Variants in SSPN observed in about 807,000 individuals in gnomAD.
The protein encoded by SSPN is sarcospan.
SSPN carries 15 observed loss-of-function variants against 19.1 expected under a neutral mutation model. That is an observed-to-expected ratio of 0.78 (90% CI 0.52 to 1.21). The LOEUF (loss-of-function observed/expected upper bound fraction) is 1.21, where lower values mean the gene tolerates loss of function less well. Among genes scored for constraint, SSPN ranks in the 50% most tolerant of loss-of-function variants. The pLI, the probability that SSPN is intolerant of heterozygous loss-of-function variation, is 0.00. For missense variants in SSPN, 291 were observed against 314.0 expected, an observed-to-expected ratio of 0.93 and a Z score of 0.55; for synonymous variants, 147 against 140.3, an observed-to-expected ratio of 1.05 and a Z score of -0.34.
intron 1 of SSPN, among the ~76,000 whole-genome samples, chr12:26,223,454 C>A (rs1043154629): frequency 2.0e-5 from 3 of 152,222 alleles, no homozygotes; most frequent in Non-Finnish European, 4.4e-5. Flanking sequence ...AGGTGATCCA[C>A]CCGCCTCGGC....
chr12:26,195,643 A>ATCCCC lies in SSPN; in HGVS notation c.-30_-29insTCCCC. 2.5e-5 allele frequency: 6 copies of ATCCCC among 242,024 alleles called. No individual in the cohort carries two copies. Among genetic ancestry groups the ATCCCC allele is most frequent in the South Asian group, 1.3e-4 (2 of 15,712 alleles). The allele number at this position is 242,024 out of a possible 1,614,324, so 15.0% of individuals were successfully genotyped here. On this transcript the variant is annotated 5_prime_UTR_variant, in exon 1 of 3. Coordinates refer to ENST00000242729, the MANE Select transcript of SSPN (RefSeq NM_005086.5). ...CCAGGGCCCAGGGCGCCGCACACGC[A>ATCCCC]CCCACCCACCCACCCAGCCTCGCAG...
chr12:26,130,883 AG>A (rs1349809204), intron 1 of SSPN, among the ~76,000 whole-genome samples: 10 of 143,288 alleles, frequency 7.0e-5, no homozygotes, highest in African/African-American at 2.8e-4. Context: ...CAACTGAGCA[AG>A]GTCTCTTAAG....
At chr12:26,196,978 A>G (rs1944835768) in intron 1 of SSPN, among the ~76,000 whole-genome samples, 2 of 152,166 alleles carry the variant, frequency 1.3e-5, no homozygotes, top group African/African-American at 4.8e-5. Flanking sequence ...CACATGCATT[A>G]TTTCATTTGA....
At chr12:26,204,282 A>G (rs1293384856) in intron 1 of SSPN, among the ~76,000 whole-genome samples, 1 of 152,174 alleles carries the variant, frequency 6.6e-6, no homozygotes, top group Non-Finnish European at 1.5e-5. Context: ...GTAGTGAGAC[A>G]TATGGAGGAA....
intron 1 of SSPN, among the ~76,000 whole-genome samples, chr12:26,135,593 C>T (rs1944420813): frequency 6.6e-6 from 1 of 152,224 alleles, no homozygotes; most frequent in Non-Finnish European, 1.5e-5. Flanking sequence ...AGAAACACAT[C>T]AACCCTCACC....
intron 1 of SSPN, among the ~76,000 whole-genome samples, chr12:26,155,823 C>T (rs1211540805): frequency 6.6e-6 from 1 of 152,200 alleles, no homozygotes; most frequent in Non-Finnish European, 1.5e-5. Flanking sequence ...GCAACCTGTG[C>T]GGTGAGCCCT....
Position 26,233,331 on chromosome 12 carries a change from G to GATATATATATATATATATATATATAT in SSPN, c.*2274_*2275insTATATATATATATATATATATATATA, listed in dbSNP as rs10547333. On this transcript the variant is annotated 3_prime_UTR_variant, in exon 3 of 3. Transcript: ENST00000242729. The surrounding 1 kb of genome is among the most constrained non-coding windows in gnomAD (Gnocchi z 4.3). ...CTTTATAATAGTATAACCGTCAGGA[G>GATATATATATATATATATATATATAT]ATATATATATATATATATACACATA... The GATATATATATATATATATATATATAT allele has an allele frequency of 2.4e-3, 350 of 144,596 alleles. 3 individuals carry two copies. The highest frequency in any genetic ancestry group is 9.1e-3 in the African/African-American group (331 of 36,540). 9.0% of individuals were successfully genotyped at this position (144,596 alleles called of 1,614,324 possible).
chr12:26,214,873 A>T (rs1029012258), intron 1 of SSPN: 9 of 98,626 alleles, frequency 9.1e-5, no homozygotes, highest in South Asian at 8.3e-4. Context: ...CTATGTGATT[A>T]ACACCAAAAA....
intron 1 of SSPN, among the ~76,000 whole-genome samples, chr12:26,201,545 A>T (rs1341387225): frequency 6.6e-6 from 1 of 151,992 alleles, no homozygotes; most frequent in Non-Finnish European, 1.5e-5. Context: ...ACTAAGCCTG[A>T]TGTGCAAAGG....
At chr12:26,213,901 G>A (rs1426959786) in intron 1 of SSPN, among the ~76,000 whole-genome samples, 1 of 152,008 alleles carries the variant, frequency 6.6e-6, no homozygotes, top group African/African-American at 2.4e-5. Context: ...TCAAGGTAGG[G>A]ATTTTTCTCT....
chr12:26,174,507 T>TCCTTCCTTCCTTCCTTCCCTC (rs1555177715), intron 1 of SSPN, among the ~76,000 whole-genome samples: 1 of 116,750 alleles, frequency 8.6e-6, no homozygotes, highest in Non-Finnish European at 1.7e-5. Context: ...TTCCTTCCCT[T>TCCTTCCTTCCTTCCTTCCCTC]CCTTCCTTCC....
At chr12:26,195,118 A>C (rs1298406362), upstream of SSPN, among the ~76,000 whole-genome samples, 1 of 152,214 alleles carries the variant, frequency 6.6e-6, no homozygotes, top group East Asian at 1.9e-4. Flanking sequence ...GATTACAGAA[A>C]GTAGGAAGAA....
intron 1 of SSPN, among the ~76,000 whole-genome samples, chr12:26,129,324 T>G (rs1227894711): frequency 6.6e-6 from 1 of 152,206 alleles, no homozygotes; most frequent in South Asian, 2.1e-4. Context: ...AGTTTTGGGT[T>G]GATGCTAAAA....
At chr12:26,188,625 T>C (rs1168647091) in intron 1 of SSPN, among the ~76,000 whole-genome samples, 1 of 152,204 alleles carries the variant, frequency 6.6e-6, no homozygotes, top group Non-Finnish European at 1.5e-5. Context: ...AAATATGCAG[T>C]TCAAGGATTT....
intron 1 of SSPN, among the ~76,000 whole-genome samples, chr12:26,145,739 G>A (rs1332352828): frequency 1.3e-5 from 2 of 152,174 alleles, no homozygotes; most frequent in African/African-American, 4.8e-5. Context: ...GGTACTGGTG[G>A]AGATGAGTAC....
intron 1 of SSPN, among the ~76,000 whole-genome samples, chr12:26,198,680 G>C (rs1944851897): frequency 6.6e-6 from 1 of 152,170 alleles, no homozygotes; most frequent in Non-Finnish European, 1.5e-5. Flanking sequence ...GAAAATATCA[G>C]TTTTGCCGTC....
chr12:26,140,591 T>TC (rs941553481), intron 1 of SSPN, among the ~76,000 whole-genome samples: 1 of 152,152 alleles, frequency 6.6e-6, no homozygotes, highest in Non-Finnish European at 1.5e-5. Flanking sequence ...GGGTGGATTT[T>TC]CCCCTCGCTG....
chr12:26,195,803 C>G lies in SSPN; in HGVS notation c.131C>G (p.Pro44Arg), dbSNP rs761358431. 1.4e-5 allele frequency: 22 copies of G among 1,533,944 alleles called. No homozygotes were observed. Among genetic ancestry groups the G allele is most frequent in the Non-Finnish European group, 1.7e-5 (20 of 1,143,170 alleles). Residue 44 changes from proline (P) to arginine (R), a missense_variant, in exon 1 of 3, where the codon CCC becomes CGC. Transcript: ENST00000242729. The stretch of plus-strand genomic sequence containing the variant: ...CCCAAGGAGTGCGGGGAGGAGGAGC[C>G]CCGGACCTGCTGCGGCTGCCGGTTC... ...GAPKECGEEE[P>R]RTCCGCRFPL...
intron 1 of SSPN, among the ~76,000 whole-genome samples, chr12:26,188,460 AGAG>A (rs1376106769): frequency 6.6e-6 from 1 of 152,234 alleles, no homozygotes; most frequent in African/African-American, 2.4e-5. Context: ...TAACTAAAGA[AGAG>A]GATTACTGGT....
Sources: allele counts gnomAD v4.1 joint callset (sites outside exome capture counted in the v4.1 genomes callset), GRCh38; gene constraint gnomAD v4.1.1; non-coding constraint Gnocchi (gnomAD v3.1); transcripts MANE v1.5; gene names NCBI Gene and HGNC (gene_info 2026-07-23, HGNC 2026-07-21).